The following APBA1 variants were observed in gnomAD, a reference collection of about 807,000 sequenced individuals.
The protein encoded by APBA1 is amyloid beta precursor protein binding family A member 1, also known as amyloid-beta A4 precursor protein-binding family A member 1.
A neutral mutation model predicts 86.6 loss-of-function variants in APBA1; 55 were observed. That is an observed-to-expected ratio of 0.64 (90% CI 0.51 to 0.80). The LOEUF is 0.80. Ranked by LOEUF, APBA1 falls within the 30% of genes least tolerant of loss-of-function variation. APBA1 has a pLI of 0.00. For missense variants in APBA1, 1,090 were observed against 1,183.0 expected (o/e 0.92, Z 1.15); for synonymous variants, 511 against 493.9 (o/e 1.03, Z -0.46).
intron 4 of APBA1, among the ~76,000 whole-genome samples, chr9:69,471,449 A>G (rs1835365144): frequency 6.6e-6 from 1 of 152,216 alleles, no homozygotes; most frequent in African/African-American, 2.4e-5. Flanking sequence ...CCTCATCCAC[A>G]TAATGAGCAA....
At chr9:69,432,494 A>T in intron 12 of APBA1, 42 bp downstream of exon 12, 1 of 1,450,964 alleles carries the variant, frequency 6.9e-7, no homozygotes, top group Non-Finnish European at 9.1e-7. Context: ...GGGGCACCAG[A>T]CGCGGCCCTC....
At position 69,488,808 on chromosome 9, in the gene APBA1, G is replaced by A. The variant is rs545141517; in HGVS notation, c.1201-12665C>T. Reference sequence around the variant, plus strand: ...AAGTCTCAGGATACAAAATCAATGTGCAAAAATCACAAGCATTCTTATACA... The same window carrying A: ...AAGTCTCAGGATACAAAATCAATGTACAAAAATCACAAGCATTCTTATACA... On this transcript the variant is annotated intron_variant, in intron 2 of 12. Coordinates refer to ENST00000265381, the MANE Select transcript of APBA1 (RefSeq NM_001163.4). 1.2e-4 allele frequency among the ~76,000 whole-genome samples: 19 copies of A among 152,218 alleles called. No individual in the cohort carries two copies. The South Asian group carries it at 3.7e-3, about 30-fold the overall frequency.
intron 10 of APBA1, among the ~76,000 whole-genome samples, chr9:69,445,350 G>C (rs750912533): frequency 6.6e-6 from 1 of 152,146 alleles, no homozygotes; most frequent in African/African-American, 2.4e-5. Context: ...CCTAATCAAT[G>C]TTTCATGTTG....
At chr9:69,550,506 T>C (rs998277683) in intron 1 of APBA1, among the ~76,000 whole-genome samples, 1 of 152,236 alleles carries the variant, frequency 6.6e-6, no homozygotes, top group African/African-American at 2.4e-5. Context: ...AAATCATGTA[T>C]TATGGTAGAG....
intron 1 of APBA1, among the ~76,000 whole-genome samples, chr9:69,649,965 CT>C (rs1182986964): frequency 6.6e-6 from 1 of 152,188 alleles, no homozygotes; most frequent in East Asian, 1.9e-4. Flanking sequence ...AAGATTTTAA[CT>C]GCTACAGCTT....
chr9:69,649,111 G>A (rs565071786), intron 1 of APBA1, among the ~76,000 whole-genome samples: 13 of 152,190 alleles, frequency 8.5e-5, no homozygotes, highest in African/African-American at 2.9e-4. Flanking sequence ...TTTCTCTCCA[G>A]CCTTCTGCCA....
At chr9:69,538,979 G>A (rs763973407) in intron 1 of APBA1, among the ~76,000 whole-genome samples, 2 of 152,146 alleles carry the variant, frequency 1.3e-5, no homozygotes, top group Non-Finnish European at 2.9e-5. Context: ...ATTTGATACA[G>A]CCTATCACAC....
chr9:69,511,215 C>T lies in APBA1; in HGVS notation c.1200+4796G>A, dbSNP rs375832512. 2.6e-3 allele frequency among the ~76,000 whole-genome samples: 399 copies of T among 152,222 alleles called. 8 individuals are homozygous for T. The East Asian group carries it at 0.066, about 25-fold the overall frequency. ...ATCCAGAATCTACAATGAACTCAAACAAATTTACAAGAAAAAACCAAACAA... is the reference window on the plus strand; with the variant it reads ...ATCCAGAATCTACAATGAACTCAAATAAATTTACAAGAAAAAACCAAACAA... On this transcript the variant is annotated intron_variant, in intron 2 of 12. Coordinates refer to ENST00000265381, the MANE Select transcript of APBA1 (RefSeq NM_001163.4).
chr9:69,447,345 TC>T (rs1350812395), intron 10 of APBA1, among the ~76,000 whole-genome samples: 3 of 152,124 alleles, frequency 2.0e-5, no homozygotes, highest in African/African-American at 7.2e-5. Flanking sequence ...CTAACCAGCT[TC>T]CCTCTCTCAT....
In APBA1 at chr9:69,467,919, G is replaced by A. The variant is rs141287424; in HGVS notation, c.1386C>T (p.Ala462=). Residue 462 remains alanine (A), a synonymous_variant, in exon 5 of 13, where the codon GCC becomes GCT. Transcript: ENST00000265381. ...GCTGAGTGGAGCCAAGGTAATTGGC[G>A]GCAAAAATGATTCCATCGATCAAGT... is the stretch of plus-strand genomic sequence containing the variant. The part of the protein sequence containing the change: ...PEDLIDGIIF[A]ANYLGSTQLL... 1.7e-4 allele frequency: 281 copies of A among 1,614,104 alleles called. No homozygotes were observed. Among genetic ancestry groups the A allele is most frequent in the Middle Eastern group, 3.3e-4 (2 of 6,058 alleles).
intron 1 of APBA1, among the ~76,000 whole-genome samples, chr9:69,657,915 T>C (rs1039927959): frequency 4.6e-5 from 7 of 152,174 alleles, no homozygotes; most frequent in African/African-American, 1.7e-4. Flanking sequence ...GAAGAGAGAA[T>C]ATTCACAAAC....
chr9:69,668,759 G>A (rs1277837812), intron 1 of APBA1, among the ~76,000 whole-genome samples: 1 of 151,676 alleles, frequency 6.6e-6, no homozygotes, highest in African/African-American at 2.4e-5. Flanking sequence ...CCATTTTTTT[G>A]TTTCCTGTGT....
At chr9:69,487,733 T>TCCCC (rs1253223842) in intron 2 of APBA1, among the ~76,000 whole-genome samples, 1 of 151,952 alleles carries the variant, frequency 6.6e-6, no homozygotes, top group Non-Finnish European at 1.5e-5. Flanking sequence ...CACTGCGGAT[T>TCCCC]CCCCACTAGC....
At chr9:69,474,447 CTG>C (rs1835411007) in intron 3 of APBA1, 1 of 152,234 alleles carries the variant, frequency 6.6e-6, no homozygotes, top group African/African-American at 2.4e-5. Context: ...GAGACACTAT[CTG>C]TGATTTTTCT....
rs1274943169 is a variant in APBA1 at position 69,456,438 on chromosome 9, G to C, written c.1603-6C>G. On this transcript the variant is annotated splice_region_variant and splice_polypyrimidine_tract_variant and intron_variant, in intron 7 of 12. Transcript: ENST00000265381. ...GGGTGGTCCATCATTGTCTCCTGGAGGCAGGAAGAGAGGGCGGGTAAGTCC... is the reference window on the plus strand; with the variant it reads ...GGGTGGTCCATCATTGTCTCCTGGACGCAGGAAGAGAGGGCGGGTAAGTCC... 1.3e-6 allele frequency: 2 copies of C among 1,579,468 alleles called. No individual in the cohort carries two copies. The highest frequency in any genetic ancestry group is 3.5e-5 in the Admixed American group (2 of 56,466).
intron 11 of APBA1, among the ~76,000 whole-genome samples, chr9:69,434,217 C>T (rs1228256016): frequency 6.6e-6 from 1 of 152,130 alleles, no homozygotes; most frequent in Non-Finnish European, 1.5e-5. Flanking sequence ...GTGGACAGTC[C>T]AGAGGCAAGG....
chr9:69,449,048 A>G (rs1390503365), intron 10 of APBA1, among the ~76,000 whole-genome samples: 4 of 152,200 alleles, frequency 2.6e-5, no homozygotes, highest in African/African-American at 9.7e-5. Flanking sequence ...GGACTGGAAG[A>G]GAGTTTCCTC....
At chr9:69,598,624 GT>G (rs1822283382) in intron 1 of APBA1, among the ~76,000 whole-genome samples, 1 of 152,052 alleles carries the variant, frequency 6.6e-6, no homozygotes, top group Non-Finnish European at 1.5e-5. Context: ...AACAGAACCT[GT>G]ATCTACTGAA....
chr9:69,490,562 A>AT (rs1835692065), intron 2 of APBA1, among the ~76,000 whole-genome samples: 1 of 152,048 alleles, frequency 6.6e-6, no homozygotes, highest in South Asian at 2.1e-4. Flanking sequence ...TTCATGTCTA[A>AT]AACACCAAAA....
Sources: allele counts gnomAD v4.1 joint callset (sites outside exome capture counted in the v4.1 genomes callset), GRCh38; gene constraint gnomAD v4.1.1; transcripts MANE v1.5; gene names NCBI Gene and HGNC (gene_info 2026-07-23, HGNC 2026-07-21).